NRXN3: variants seen among roughly 807,000 people sequenced by gnomAD.
The protein encoded by NRXN3 is neurexin 3.
NRXN3 carries 32 observed loss-of-function variants against 137.6 expected under a neutral mutation model. The observed-to-expected ratio is 0.23, with a 90% confidence interval of 0.18 to 0.31. NRXN3 has a LOEUF of 0.31. NRXN3 is among the 10% of genes least tolerant of loss of function. NRXN3 has a pLI of 1.00. For missense variants in NRXN3, 1,574 were observed against 2,062.5 expected (o/e 0.76, Z 4.59); for synonymous variants, 798 against 784.5 (o/e 1.02, Z -0.29).
In NRXN3 at chr14:78,645,413, C is replaced by T. The variant is rs2152574558; in HGVS notation, c.1051C>T (p.Leu351Phe). The change falls in exon 5 of 21, where the codon CTC becomes TTC. Residue 351 changes from leucine to phenylalanine, a missense_variant. Coordinates refer to ENST00000335750, the MANE Select transcript of NRXN3 (RefSeq NM_001330195.2). ...GCATGATGTCAAAGTGACACGCAAC[C>T]TCCGGCAGGTAATGGCTGAGGGGAG... The part of the protein sequence containing the change: ...AWHDVKVTRN[L>F]RQVTISVDGI... The T allele has an allele frequency of 6.3e-7, 1 of 1,583,654 alleles. No homozygotes were observed. The highest frequency in any genetic ancestry group is 8.5e-7 in the Non-Finnish European group (1 of 1,169,866).
intron 8 of NRXN3, chr14:78,744,774 G>T (rs2098599466): frequency 6.6e-6 from 1 of 152,130 alleles, no homozygotes; most frequent in Admixed American, 6.5e-5. Context: ...ACTGCACAGA[G>T]GCCTGCAGTT....
chr14:78,397,483 T>A (rs1598222998), intron 4 of NRXN3, among the ~76,000 whole-genome samples: 1 of 152,044 alleles, frequency 6.6e-6, no homozygotes, highest in East Asian at 1.9e-4. Flanking sequence ...TTGTAGTTTA[T>A]CAGTTATTCT....
intron 1 of NRXN3, among the ~76,000 whole-genome samples, chr14:78,219,879 C>T (rs1267346534): frequency 6.6e-6 from 1 of 151,970 alleles, no homozygotes. Context: ...TTGAAATAAT[C>T]CAACTGATGA....
chr14:79,116,984 C>A (rs1230385907), intron 15 of NRXN3, among the ~76,000 whole-genome samples: 1 of 152,158 alleles, frequency 6.6e-6, no homozygotes, highest in Non-Finnish European at 1.5e-5. Context: ...AGAAAGTGAG[C>A]AAACTGGTTT....
chr14:78,391,027 G>A (rs1396299881), intron 4 of NRXN3, among the ~76,000 whole-genome samples: 1 of 152,020 alleles, frequency 6.6e-6, no homozygotes, highest in Non-Finnish European at 1.5e-5. Flanking sequence ...GTGAAAACAT[G>A]TGGTGTTTGG....
At chr14:78,787,501 T>C (rs758557655) in intron 8 of NRXN3, among the ~76,000 whole-genome samples, 5 of 152,136 alleles carry the variant, frequency 3.3e-5, no homozygotes, top group African/African-American at 4.8e-5. Context: ...AGGTAATAGG[T>C]ATAAAAATCC....
chr14:78,870,458 G>T (rs2099098505), intron 10 of NRXN3, among the ~76,000 whole-genome samples: 1 of 152,156 alleles, frequency 6.6e-6, no homozygotes, highest in African/African-American at 2.4e-5. Context: ...AACCTGCCAT[G>T]TGTAATGATC....
rs137974207 is a variant in NRXN3, at chr14:79,685,614, T to C, written c.3617-6559T>C. Among the ~76,000 whole-genome samples, 280 of 152,284 alleles carry C rather than the reference T, an allele frequency of 1.8e-3. 1 individual carries two copies. The highest frequency in any genetic ancestry group is 6.2e-3 in the African/African-American group (259 of 41,572). On this transcript the variant is annotated intron_variant, in intron 17 of 20. Coordinates refer to ENST00000335750, the MANE Select transcript of NRXN3 (RefSeq NM_001330195.2). The stretch of plus-strand genomic sequence containing the variant: ...TATTCTCTTAAATTATAGGAATGAA[T>C]AAAGAGGTTGCAGTCGCCTGGGCCT...
At chr14:78,919,856 T>C (rs999432877) in intron 10 of NRXN3, among the ~76,000 whole-genome samples, 2 of 152,214 alleles carry the variant, frequency 1.3e-5, no homozygotes, top group Non-Finnish European at 2.9e-5. Context: ...GTAATAATGT[T>C]ATTTTATTAA....
intron 15 of NRXN3, among the ~76,000 whole-genome samples, chr14:79,252,102 T>C (rs921818872): frequency 1.3e-5 from 2 of 152,236 alleles, no homozygotes; most frequent in Admixed American, 1.3e-4. Flanking sequence ...TAAAGATAGT[T>C]ACTTTAGTTG....
At chr14:78,984,114 C>T (rs2099496823) in intron 14 of NRXN3, among the ~76,000 whole-genome samples, 1 of 151,892 alleles carries the variant, frequency 6.6e-6, no homozygotes, top group African/African-American at 2.4e-5. Context: ...TACAAAGTTT[C>T]AATTAGACAA....
At chr14:79,839,047 C>T (rs2099350150) in intron 20 of NRXN3, among the ~76,000 whole-genome samples, 1 of 152,090 alleles carries the variant, frequency 6.6e-6, no homozygotes, top group South Asian at 2.1e-4. Context: ...ACTTTATGGA[C>T]AGAAAAGGAC....
At chr14:79,635,609 T>G (rs1255973317) in intron 16 of NRXN3, among the ~76,000 whole-genome samples, 1 of 152,218 alleles carries the variant, frequency 6.6e-6, no homozygotes, top group East Asian at 1.9e-4. Flanking sequence ...TTCTGGTATG[T>G]GCCATCCACC....
At chr14:78,737,495 C>T (rs1478885639) in intron 8 of NRXN3, among the ~76,000 whole-genome samples, 1 of 152,078 alleles carries the variant, frequency 6.6e-6, no homozygotes, top group Admixed American at 6.6e-5. Context: ...TGGGTGCCCT[C>T]ATTACTGATG....
At chr14:78,412,062 A>G (rs770074791) in intron 4 of NRXN3, among the ~76,000 whole-genome samples, 3 of 152,332 alleles carry the variant, frequency 2.0e-5, no homozygotes, top group South Asian at 2.1e-4. Context: ...TGGGTGTGAG[A>G]TTTAAACAAA....
At chr14:78,566,747 C>T (rs1306801334) in intron 4 of NRXN3, among the ~76,000 whole-genome samples, 3 of 152,180 alleles carry the variant, frequency 2.0e-5, no homozygotes, top group Admixed American at 2.0e-4. Context: ...ACCGTTGCTG[C>T]CCTCTGCTGG....
At chr14:79,001,859 T>G (rs1026084575) in intron 15 of NRXN3, among the ~76,000 whole-genome samples, 4 of 152,172 alleles carry the variant, frequency 2.6e-5, no homozygotes, top group African/African-American at 9.7e-5. Flanking sequence ...ACAAAGATTA[T>G]AAATAATGGG....
chr14:79,123,456 T>C (rs2055840826), intron 15 of NRXN3, among the ~76,000 whole-genome samples: 1 of 152,184 alleles, frequency 6.6e-6, no homozygotes, highest in Admixed American at 6.5e-5. Context: ...AGTTATTCAT[T>C]CCTTCCCTGA....
intron 20 of NRXN3, among the ~76,000 whole-genome samples, chr14:79,837,386 A>G (rs1490517916): frequency 6.6e-6 from 1 of 152,162 alleles, no homozygotes; most frequent in Non-Finnish European, 1.5e-5. Flanking sequence ...TTAACCAATA[A>G]GTAAAATTGC....
Sources: gnomAD v4.1 joint callset for allele counts (sites outside exome capture counted in the v4.1 genomes callset) on GRCh38, gnomAD v4.1.1 for gene constraint, MANE v1.5 for transcripts, NCBI Gene and HGNC (gene_info 2026-07-23, HGNC 2026-07-21) for gene names.